The following NUDC variants were observed in gnomAD, a reference collection of about 807,000 sequenced individuals.
NUDC encodes the protein nuclear migration protein nudC.
Under a neutral mutation model 45.0 loss-of-function variants are expected in NUDC, and 14 were observed. That is an observed-to-expected ratio of 0.31 (90% CI 0.21 to 0.49). NUDC has a LOEUF of 0.49. NUDC is among the 20% of genes least tolerant of loss of function. The pLI is 0.99. For missense variants in NUDC, 323 were observed against 426.2 expected (o/e 0.76, Z 2.13); for synonymous variants, 153 against 156.7 (o/e 0.98, Z 0.17).
At chr1:26,911,898 T>C (rs2082028900) in intron 3 of NUDC, 2 of 1,614,044 alleles carry the variant, frequency 1.2e-6, no homozygotes, top group East Asian at 2.2e-5. Flanking sequence ...ACATCTCCAA[T>C]GATAGGGCGA....
At chr1:26,915,075 A>G (rs12754045) in intron 3 of NUDC, among the ~76,000 whole-genome samples, 1 of 148,434 alleles carries the variant, frequency 6.7e-6, no homozygotes, top group South Asian at 2.1e-4. Context: ...ATATATATAT[A>G]TGTATATATA....
At chr1:26,929,068 G>A (rs1254821724) in intron 2 of NUDC, among the ~76,000 whole-genome samples, 2 of 152,174 alleles carry the variant, frequency 1.3e-5, no homozygotes, top group Non-Finnish European at 2.9e-5. Flanking sequence ...ACTCTGGGAT[G>A]TTATTCTGCC....
At chr1:26,900,973 G>A (rs1272092744) in intron 1 of NUDC, among the ~76,000 whole-genome samples, 1 of 152,134 alleles carries the variant, frequency 6.6e-6, no homozygotes, top group African/African-American at 2.4e-5. Context: ...AATAATAAAA[G>A]AAATGCAGCG....
intron 2 of NUDC, among the ~76,000 whole-genome samples, chr1:26,938,546 G>C (rs188569847): frequency 1.3e-5 from 2 of 152,320 alleles, no homozygotes; most frequent in East Asian, 3.9e-4. Flanking sequence ...TGTGGTTTAG[G>C]GGGTACGTTT....
intron 2 of NUDC, among the ~76,000 whole-genome samples, chr1:26,905,625 G>C (rs540284284): frequency 8.1e-4 from 124 of 152,250 alleles, no homozygotes; most frequent in African/African-American, 2.8e-3. Flanking sequence ...ATTCAGGTCC[G>C]TTGCAGCCCC....
Position 26,942,685 on chromosome 1 carries a change from A to G in NUDC, c.455A>G (p.Asp152Gly). The change falls in exon 5 of 9, where the codon GAT (aspartate) becomes GGT (glycine). Residue 152 changes from aspartate to glycine, a missense_variant. This residue lies in a region of NUDC where 245 missense variants were observed against 278.8 expected (regional missense o/e 0.88). Transcript: ENST00000321265. ...KQDTEEDEEEDEKDKGKLKPN... is the reference protein window; with the variant it reads ...KQDTEEDEEEGEKDKGKLKPN... ...GATACTGAGGAAGATGAGGAGGAAG[A>G]TGAGAAGGACAAAGGAAAACTGAAG... 6.2e-7 allele frequency: 1 copy of G among 1,614,200 alleles called. No homozygotes were observed. Among genetic ancestry groups the G allele is most frequent in the African/African-American group, 1.3e-5 (1 of 75,052 alleles).
chr1:26,923,858 T>A (rs528020163), intron 1 of NUDC, among the ~76,000 whole-genome samples: 6 of 152,260 alleles, frequency 3.9e-5, no homozygotes, highest in Middle Eastern at 6.8e-3. Flanking sequence ...AGGCTGCTTC[T>A]AGCATCACAA....
intron 3 of NUDC, chr1:26,912,005 G>A (rs370338086): frequency 4.3e-6 from 7 of 1,614,104 alleles, no homozygotes; most frequent in African/African-American, 4.0e-5. Context: ...TGGGCACCAG[G>A]GTTCCAGGAC....
intron 6 of NUDC, 140 bp downstream of exon 6, chr1:26,943,205 T>G: frequency 2.2e-6 from 2 of 917,756 alleles, no homozygotes; most frequent in Non-Finnish European, 3.5e-6. Flanking sequence ...AAAGTAGATC[T>G]GTCTCTATTT....
rs758969418 is a variant in NUDC, at chr1:26,924,144, G to C, written c.137G>C (p.Gly46Ala). Residue 46 changes from glycine to alanine, a missense_variant, in exon 2 of 9, where the codon GGA becomes GCA. Transcript: ENST00000321265. Reference protein sequence around the residue: ...LRRKTDFFIGGEEGMAEKLIT... With the variant: ...LRRKTDFFIGAEEGMAEKLIT... Reference sequence around the variant, plus strand: ...CGCAAAACAGACTTTTTCATTGGAGGAGAAGAAGGGATGGCAGAGAAGGTA... The same window carrying C: ...CGCAAAACAGACTTTTTCATTGGAGCAGAAGAAGGGATGGCAGAGAAGGTA... 6.2e-7 allele frequency: 1 copy of C among 1,614,106 alleles called. No individual in the cohort carries two copies. The highest frequency in any genetic ancestry group is 8.5e-7 in the Non-Finnish European group (1 of 1,179,990).
upstream of NUDC, among the ~76,000 whole-genome samples, chr1:26,919,079 CTTTT>C (rs71010304): frequency 2.7e-5 from 4 of 147,380 alleles, no homozygotes; most frequent in East Asian, 8.0e-4. Context: ...CATCCAGCTA[CTTTT>C]TTTTTTTTTC....
At chr1:26,916,503 T>C (rs2082062665) in intron 3 of NUDC, among the ~76,000 whole-genome samples, 2 of 152,224 alleles carry the variant, frequency 1.3e-5, no homozygotes, top group South Asian at 4.1e-4. Context: ...TGTGTCATTT[T>C]GGCCTGCTTC....
intron 2 of NUDC, among the ~76,000 whole-genome samples, chr1:26,902,526 C>A (rs2081984743): frequency 6.6e-6 from 1 of 152,190 alleles, no homozygotes; most frequent in Non-Finnish European, 1.5e-5. Context: ...GTCCTCCCTG[C>A]TGCAATATTC....
chr1:26,926,680 A>G (rs1463822075), intron 2 of NUDC, among the ~76,000 whole-genome samples: 1 of 152,108 alleles, frequency 6.6e-6, no homozygotes, highest in Non-Finnish European at 1.5e-5. Flanking sequence ...GCCCACTGCA[A>G]CTTCTGCCTC....
rs948972140 is a variant in NUDC, at chr1:26,942,603, G to A, written c.430-57G>A. The A allele has an allele frequency of 2.5e-6, 4 of 1,612,112 alleles. No individual in the cohort carries two copies. In the Admixed American group the frequency reaches 5.0e-5, roughly 20 times the overall value. ...TAGCCCTGGGCTTGGCCCAGTGAGG[G>A]TTCAATCTGTGTCTTGTCTGTCAAG... On this transcript the variant is annotated intron_variant, in intron 4 of 8. Transcript: ENST00000321265.
intron 3 of NUDC, chr1:26,911,645 C>T (rs2082027051): frequency 3.1e-6 from 2 of 637,056 alleles, no homozygotes; most frequent in Non-Finnish European, 2.8e-6. Flanking sequence ...CCAAAAGCCT[C>T]CCAGGCAGCT....
At chr1:26,913,619 C>G (rs2082042151) in intron 3 of NUDC, 2 of 1,613,928 alleles carry the variant, frequency 1.2e-6, no homozygotes, top group African/African-American at 1.3e-5. Context: ...TCAGCCACCT[C>G]AAAGGTCACA....
chr1:26,911,682 T>C, intron 3 of NUDC: 1 of 811,246 alleles, frequency 1.2e-6, no homozygotes, highest in Non-Finnish European at 2.0e-6. Flanking sequence ...ACCAAGGAAG[T>C]CCAATGTGGG....
intron 3 of NUDC, among the ~76,000 whole-genome samples, chr1:26,915,339 C>T (rs2082056899): frequency 6.6e-6 from 1 of 152,312 alleles, no homozygotes; most frequent in Non-Finnish European, 1.5e-5. Flanking sequence ...CTGCCCCCAC[C>T]TTGCTGCTGC....
Sources: allele counts gnomAD v4.1 joint callset (sites outside exome capture counted in the v4.1 genomes callset), GRCh38; gene constraint gnomAD v4.1.1; regional missense constraint gnomAD v4.1.1; transcripts MANE v1.5; gene names NCBI Gene and HGNC (gene_info 2026-07-23, HGNC 2026-07-21).